Variants in TTC39C observed in about 807,000 individuals in gnomAD.
TTC39C encodes the protein tetratricopeptide repeat protein 39C.
A neutral mutation model predicts 76.3 loss-of-function variants in TTC39C; 33 were observed. The ratio of observed to expected loss-of-function variants is 0.43; its 90% CI spans 0.33 to 0.58. The LOEUF is 0.58. TTC39C is among the 20% of genes least tolerant of loss of function. TTC39C has a pLI of 0.04. For missense variants in TTC39C, 595 were observed against 701.4 expected, an observed-to-expected ratio of 0.85 and a Z score of 1.71; for synonymous variants, 254 against 260.6, an observed-to-expected ratio of 0.97 and a Z score of 0.24.
At chr18:24,033,467 A>G (rs1275576962) in intron 1 of TTC39C, among the ~76,000 whole-genome samples, 1 of 151,712 alleles carries the variant, frequency 6.6e-6, no homozygotes. Context: ...TTATCCTTCA[A>G]CCTCAACTCC....
chr18:24,124,119 A>C, intron 9 of TTC39C, 176 bp downstream of exon 9: 1 of 467,960 alleles, frequency 2.1e-6, no homozygotes, highest in Non-Finnish European at 3.7e-6. Flanking sequence ...TCTGAATAGA[A>C]GATTCTTGCC....
intron 6 of TTC39C, among the ~76,000 whole-genome samples, chr18:24,087,061 T>C (rs890954033): frequency 3.3e-5 from 5 of 152,202 alleles, no homozygotes; most frequent in African/African-American, 1.2e-4. Flanking sequence ...TCCCTGAATT[T>C]CCACAATGCA....
chr18:24,033,272 T>A (rs1016650172), intron 1 of TTC39C, among the ~76,000 whole-genome samples: 1 of 152,112 alleles, frequency 6.6e-6, no homozygotes, highest in African/African-American at 2.4e-5. Flanking sequence ...ATAAATAAAA[T>A]AAATAACCAG....
At chr18:24,012,711 C>T (rs574138273), upstream of TTC39C, among the ~76,000 whole-genome samples, 17 of 152,210 alleles carry the variant, frequency 1.1e-4, no homozygotes, top group East Asian at 3.1e-3. Context: ...TCCAAAGTTC[C>T]AGCAGCCTGT....
At chr18:24,115,974 G>A (rs914114073) in intron 7 of TTC39C, among the ~76,000 whole-genome samples, 11 of 149,020 alleles carry the variant, frequency 7.4e-5, no homozygotes, top group Non-Finnish European at 4.5e-5. Flanking sequence ...GGATGTTAGA[G>A]CAGAAGGAAG....
chr18:24,018,729 G>C (rs1313412343), intron 1 of TTC39C, among the ~76,000 whole-genome samples: 2 of 152,140 alleles, frequency 1.3e-5, no homozygotes, highest in Admixed American at 1.3e-4. Context: ...AAAGGAGAAT[G>C]TGAGAGGTGG....
chr18:24,024,011 TA>T (rs2083564114), intron 1 of TTC39C, among the ~76,000 whole-genome samples: 3 of 24,742 alleles, frequency 1.2e-4, no homozygotes, highest in South Asian at 1.7e-3. Flanking sequence ...TATATATATA[TA>T]TATATTTTTT....
rs778132781 is a variant in TTC39C, at chr18:24,083,115, C to A, written c.984+34C>A. ...CCTTCCTCATCTTTTTAAAATAAAG[C>A]CTCCGATGATCAAATCTCTGATTCT... On this transcript the variant is annotated intron_variant, in intron 6 of 13. Transcript: ENST00000317571. The A allele has an allele frequency of 5.1e-6, 8 of 1,555,856 alleles. No homozygotes were observed. The East Asian group carries it at 1.6e-4, about 31-fold the overall frequency.
chr18:24,073,073 C>T (rs898632506), intron 4 of TTC39C, among the ~76,000 whole-genome samples: 2 of 152,194 alleles, frequency 1.3e-5, no homozygotes, highest in African/African-American at 4.8e-5. Context: ...TATCACCTTC[C>T]AAGTGGCCCA....
At chr18:24,070,928 T>G (rs2084231815) in intron 4 of TTC39C, among the ~76,000 whole-genome samples, 1 of 148,648 alleles carries the variant, frequency 6.7e-6, no homozygotes, top group African/African-American at 2.4e-5. Context: ...TATCAGAACT[T>G]TTTTGTTTTT....
intron 4 of TTC39C, among the ~76,000 whole-genome samples, chr18:24,075,887 T>G (rs978042562): frequency 6.6e-6 from 1 of 152,126 alleles, no homozygotes; most frequent in Non-Finnish European, 1.5e-5. Context: ...ATATTCCCAT[T>G]TTGCAAGCAG....
At chr18:24,010,777 G>A (rs1419283564), upstream of TTC39C, among the ~76,000 whole-genome samples, 1 of 152,150 alleles carries the variant, frequency 6.6e-6, no homozygotes. Context: ...CCAGGCATGG[G>A]TGGCTCATGC....
chr18:24,030,232 A>G (rs2083650416), intron 1 of TTC39C, among the ~76,000 whole-genome samples: 2 of 152,228 alleles, frequency 1.3e-5, no homozygotes, highest in Admixed American at 6.5e-5. Context: ...TGCCATTAGC[A>G]TAGAATAGAG....
chr18:24,120,101 G>A (rs750626498), intron 8 of TTC39C, among the ~76,000 whole-genome samples: 3 of 152,146 alleles, frequency 2.0e-5, no homozygotes, highest in African/African-American at 7.2e-5. Context: ...AGTACAAAGA[G>A]TACATGAGGC....
At chr18:24,101,026 A>T (rs1339632366) in intron 6 of TTC39C, among the ~76,000 whole-genome samples, 1 of 152,198 alleles carries the variant, frequency 6.6e-6, no homozygotes, top group Non-Finnish European at 1.5e-5. Context: ...TAACCAGCTT[A>T]TTTGACCAGG....
At chr18:24,104,326 C>T (rs2084717494) in intron 6 of TTC39C, among the ~76,000 whole-genome samples, 1 of 152,196 alleles carries the variant, frequency 6.6e-6, no homozygotes, top group Non-Finnish European at 1.5e-5. Flanking sequence ...ATGGCCATCC[C>T]CACTCCACCC....
intron 1 of TTC39C, among the ~76,000 whole-genome samples, chr18:24,043,805 A>G (rs983116204): frequency 1.3e-5 from 2 of 152,246 alleles, no homozygotes; most frequent in Non-Finnish European, 2.9e-5. Flanking sequence ...AGTTCTTGGG[A>G]TGGAGAAAAT....
chr18:24,055,556 T>C (rs2084004762), intron 1 of TTC39C, among the ~76,000 whole-genome samples: 1 of 152,206 alleles, frequency 6.6e-6, no homozygotes, highest in Non-Finnish European at 1.5e-5. Flanking sequence ...TCTATTCAAG[T>C]TCTTTCCCCA....
At chr18:24,019,944 C>A in intron 1 of TTC39C, 1 of 1,508,864 alleles carries the variant, frequency 6.6e-7, no homozygotes, top group Non-Finnish European at 8.8e-7. Flanking sequence ...GTCAGCAGGC[C>A]TCTGAGCCTC....
Sources: gnomAD v4.1 joint callset for allele counts (sites outside exome capture counted in the v4.1 genomes callset) on GRCh38, gnomAD v4.1.1 for gene constraint, MANE v1.5 for transcripts, NCBI Gene and HGNC (gene_info 2026-07-23, HGNC 2026-07-21) for gene names.